Variants in KIAA1217 observed in about 807,000 individuals in gnomAD.
KIAA1217 encodes the protein KIAA1217.
A neutral mutation model predicts 163.9 loss-of-function variants in KIAA1217; 88 were observed. The observed-to-expected ratio is 0.54, with a 90% CI of 0.45 to 0.64. The LOEUF (loss-of-function observed/expected upper bound fraction) is 0.64. Among genes scored for constraint, KIAA1217 ranks in the 30% least tolerant of loss-of-function variants. The pLI, the probability that KIAA1217 is intolerant of heterozygous loss-of-function variation, is 0.00. For missense variants in KIAA1217, 2,372 were observed against 2,475.0 expected, an observed-to-expected ratio of 0.96 and a Z score of 0.88; for synonymous variants, 903 against 923.1, an observed-to-expected ratio of 0.98 and a Z score of 0.39.
intron 2 of KIAA1217, among the ~76,000 whole-genome samples, chr10:24,165,779 T>A (rs2065314782): frequency 6.6e-6 from 1 of 152,184 alleles, no homozygotes. Flanking sequence ...TGAAACTATT[T>A]CATGTTTTCA....
chr10:24,033,208 A>C (rs114605971), intron 2 of KIAA1217, among the ~76,000 whole-genome samples: 113 of 152,354 alleles, frequency 7.4e-4, no homozygotes, highest in African/African-American at 2.6e-3. Flanking sequence ...AATGCTTTTT[A>C]AAGGGTTCTT....
intron 1 of KIAA1217, among the ~76,000 whole-genome samples, chr10:23,715,927 G>A (rs1837539478): frequency 6.6e-6 from 1 of 151,978 alleles, no homozygotes; most frequent in Non-Finnish European, 1.5e-5. Flanking sequence ...TCTTTTAAAG[G>A]GAAACACATT....
intron 1 of KIAA1217, among the ~76,000 whole-genome samples, chr10:23,780,544 G>A (rs144014095): frequency 1.3e-5 from 2 of 152,278 alleles, no homozygotes; most frequent in African/African-American, 2.4e-5. Flanking sequence ...CCACTTGTAC[G>A]TTGTTGCAAA....
chr10:24,474,112 G>A, intron 6 of KIAA1217, 52 bp downstream of exon 6: 1 of 1,374,662 alleles, frequency 7.3e-7, no homozygotes, highest in Non-Finnish European at 1.0e-6. Flanking sequence ...ATGTGTCACT[G>A]TGGGCAGCTC....
intron 2 of KIAA1217, among the ~76,000 whole-genome samples, chr10:24,038,235 G>A (rs1848479857): frequency 6.6e-6 from 1 of 152,128 alleles, no homozygotes; most frequent in African/African-American, 2.4e-5. Context: ...AAATGACAAA[G>A]CATTTCAGGA....
At chr10:24,315,985 G>T (rs190661036) in intron 2 of KIAA1217, among the ~76,000 whole-genome samples, 1 of 152,000 alleles carries the variant, frequency 6.6e-6, no homozygotes, top group Non-Finnish European at 1.5e-5. Context: ...TGATTATAAA[G>T]GGTAGTTCCC....
At chr10:23,988,227 G>A (rs371805854) in intron 1 of KIAA1217, among the ~76,000 whole-genome samples, 13 of 152,210 alleles carry the variant, frequency 8.5e-5, no homozygotes, top group African/African-American at 2.7e-4. Flanking sequence ...TTCTCACAAA[G>A]TTTGGAAGAC....
intron 2 of KIAA1217, among the ~76,000 whole-genome samples, chr10:24,319,362 C>T (rs188848410): frequency 9.1e-6 from 1 of 109,906 alleles, no homozygotes; most frequent in African/African-American, 3.7e-5. Context: ...GGTGACAGAG[C>T]GAGACGTTGT....
intron 1 of KIAA1217, among the ~76,000 whole-genome samples, chr10:23,789,519 G>T (rs1405469030): frequency 2.0e-5 from 3 of 152,048 alleles, no homozygotes; most frequent in Non-Finnish European, 4.4e-5. Flanking sequence ...CTGCACAATG[G>T]GATGATAATG....
chr10:23,899,965 T>C (rs1010910518), intron 1 of KIAA1217, among the ~76,000 whole-genome samples: 3 of 151,318 alleles, frequency 2.0e-5, no homozygotes, highest in African/African-American at 7.3e-5. Context: ...TCTCTCTCCC[T>C]CTGTCTCTTC....
chr10:24,335,037 T>C (rs2046166417), intron 2 of KIAA1217, among the ~76,000 whole-genome samples: 1 of 152,140 alleles, frequency 6.6e-6, no homozygotes, highest in African/African-American at 2.4e-5. Flanking sequence ...AACCCAAATG[T>C]CCATCAACTG....
intron 3 of KIAA1217, among the ~76,000 whole-genome samples, chr10:24,410,429 T>C (rs1430917309): frequency 6.6e-6 from 1 of 152,254 alleles, no homozygotes; most frequent in African/African-American, 2.4e-5. Context: ...TTTCTGCAAA[T>C]CTTGACTGCA....
chr10:23,943,676 T>C (rs1297109781), intron 1 of KIAA1217, among the ~76,000 whole-genome samples: 1 of 152,200 alleles, frequency 6.6e-6, no homozygotes, highest in African/African-American at 2.4e-5. Flanking sequence ...GTTTAAAACA[T>C]CTTGAAGAAC....
intron 2 of KIAA1217, chr10:24,158,701 G>A (rs2064988451): frequency 2.0e-6 from 1 of 507,390 alleles, no homozygotes; most frequent in Non-Finnish European, 4.0e-6. Flanking sequence ...TCTTGCTACA[G>A]CATACAAAGA....
chr10:24,468,218 T>G (rs1355000301), intron 5 of KIAA1217, among the ~76,000 whole-genome samples: 1 of 152,136 alleles, frequency 6.6e-6, no homozygotes, highest in Non-Finnish European at 1.5e-5. Flanking sequence ...CCCCACATCC[T>G]AAGAGCGAGT....
chr10:23,955,678 C>G (rs532202530), intron 1 of KIAA1217, among the ~76,000 whole-genome samples: 2 of 152,148 alleles, frequency 1.3e-5, no homozygotes. Context: ...ATCCATCAAA[C>G]GGCAAGTTAG....
chr10:24,342,273 C>A (rs919299572), intron 2 of KIAA1217, among the ~76,000 whole-genome samples: 1 of 152,196 alleles, frequency 6.6e-6, no homozygotes, highest in Non-Finnish European at 1.5e-5. Context: ...ACATACTTGT[C>A]CAATTTAGTA....
chr10:24,093,407 G>T (rs922504379), intron 2 of KIAA1217, among the ~76,000 whole-genome samples: 1 of 151,230 alleles, frequency 6.6e-6, no homozygotes, highest in South Asian at 2.1e-4. Context: ...CCTGATCTCC[G>T]ATGATCCACC....
intron 1 of KIAA1217, among the ~76,000 whole-genome samples, chr10:23,999,277 G>A (rs1261587302): frequency 6.6e-6 from 1 of 152,186 alleles, no homozygotes; most frequent in Non-Finnish European, 1.5e-5. Flanking sequence ...CAGGGAGGGT[G>A]CCTCATTGCA....
Sources: gnomAD v4.1 joint callset for allele counts (sites outside exome capture counted in the v4.1 genomes callset) on GRCh38, gnomAD v4.1.1 for gene constraint, MANE v1.5 for transcripts, NCBI Gene and HGNC (gene_info 2026-07-23, HGNC 2026-07-21) for gene names.